The following GLRA3 variants were observed in gnomAD, a reference collection of about 807,000 sequenced individuals.
GLRA3 encodes the protein glycine receptor subunit alpha-3.
A neutral mutation model predicts 60.4 loss-of-function variants in GLRA3; 44 were observed. That is an observed-to-expected ratio of 0.73 (90% confidence interval 0.57 to 0.94). The LOEUF is 0.94. GLRA3 is among the 40% of genes least tolerant of loss of function. GLRA3 has a pLI of 0.00. For synonymous variants in GLRA3, 223 were observed against 192.9 expected, an observed-to-expected ratio of 1.16 and a Z score of -1.29; for missense variants, 508 against 564.6, an observed-to-expected ratio of 0.90 and a Z score of 1.02.
At chr4:174,665,009 A>G (rs1733602247) in intron 7 of GLRA3, among the ~76,000 whole-genome samples, 1 of 152,296 alleles carries the variant, frequency 6.6e-6, no homozygotes, top group Admixed American at 6.5e-5. Flanking sequence ...ATAATTTAAA[A>G]GAAGTGTTGT....
chr4:174,770,544 T>C (rs745395628), intron 2 of GLRA3, among the ~76,000 whole-genome samples: 4 of 152,090 alleles, frequency 2.6e-5, no homozygotes, highest in Non-Finnish European at 4.4e-5. Flanking sequence ...CGGTGAACAC[T>C]GTTAATAAAA....
intron 7 of GLRA3, among the ~76,000 whole-genome samples, chr4:174,663,828 C>A (rs1248690998): frequency 6.6e-6 from 1 of 152,176 alleles, no homozygotes; most frequent in Non-Finnish European, 1.5e-5. Flanking sequence ...CTTTGCTCCC[C>A]CTCCTGTATG....
chr4:174,699,836 TATTA>T (rs1735231375), intron 5 of GLRA3, among the ~76,000 whole-genome samples: 1 of 150,532 alleles, frequency 6.6e-6, no homozygotes, highest in South Asian at 2.1e-4. Flanking sequence ...ATTTGTTAAT[TATTA>T]ATTAATAATT....
chr4:174,655,985 T>C (rs968235749), intron 9 of GLRA3, among the ~76,000 whole-genome samples: 1 of 152,098 alleles, frequency 6.6e-6, no homozygotes, highest in Non-Finnish European at 1.5e-5. Flanking sequence ...ATAAATATAG[T>C]TTACCCCAGA....
At chr4:174,665,157 A>G (rs1040133519) in intron 7 of GLRA3, among the ~76,000 whole-genome samples, 3 of 151,960 alleles carry the variant, frequency 2.0e-5, no homozygotes, top group Admixed American at 2.0e-4. Flanking sequence ...ATTATGTAGT[A>G]GCTATATTTC....
At chr4:174,810,986 T>C (rs967604701) in intron 1 of GLRA3, among the ~76,000 whole-genome samples, 1 of 152,136 alleles carries the variant, frequency 6.6e-6, no homozygotes, top group Non-Finnish European at 1.5e-5. Flanking sequence ...TTCTCTCTCA[T>C]TCTTTTCATA....
In GLRA3 at chr4:174,778,882, T is replaced by C. The variant is rs866527689; in HGVS notation, c.199+9934A>G. On this transcript the variant is annotated intron_variant, in intron 2 of 9. Transcript: ENST00000274093. Reference sequence around the variant, plus strand: ...CTGAGATCAAACTGCAAGGCGGCAGTGAGGCTGGGGGAGGGGCGCCCGCCA... The same window carrying C: ...CTGAGATCAAACTGCAAGGCGGCAGCGAGGCTGGGGGAGGGGCGCCCGCCA... 4.3e-3 allele frequency among the ~76,000 whole-genome samples: 654 copies of C among 152,172 alleles called. 4 individuals carry two copies. The highest frequency in any genetic ancestry group is 0.017 in the Middle Eastern group (5 of 294).
intron 6 of GLRA3, among the ~76,000 whole-genome samples, chr4:174,680,452 C>T (rs1734299254): frequency 1.3e-5 from 2 of 152,130 alleles, no homozygotes; most frequent in African/African-American, 4.8e-5. Flanking sequence ...GGGCGTTTAA[C>T]ACATATTGTT....
In GLRA3 at chr4:174,781,138, C is replaced by G. The variant is rs546680107; in HGVS notation, c.199+7678G>C. On this transcript the variant is annotated intron_variant, in intron 2 of 9. Transcript: ENST00000274093. ...TCTCTCAGACCACAGTGCAATCAAA[C>G]TAGAACTCAGGATTAAGAATCTCAC... is the stretch of plus-strand genomic sequence containing the variant. Among the ~76,000 whole-genome samples, 3 of 152,180 alleles carry G rather than the reference C, an allele frequency of 2.0e-5. No individual in the cohort carries two copies. The East Asian group carries it at 5.8e-4, about 29-fold the overall frequency.
intron 5 of GLRA3, among the ~76,000 whole-genome samples, chr4:174,709,557 A>C (rs916133798): frequency 6.6e-6 from 1 of 152,070 alleles, no homozygotes; most frequent in African/African-American, 2.4e-5. Context: ...TCATACCTAA[A>C]AGCAAACATT....
chr4:174,758,916 T>C (rs1737833993), intron 3 of GLRA3, among the ~76,000 whole-genome samples: 1 of 152,120 alleles, frequency 6.6e-6, no homozygotes, highest in South Asian at 2.1e-4. Context: ...GGCAAATAAA[T>C]TGATATACTA....
intron 2 of GLRA3, among the ~76,000 whole-genome samples, chr4:174,778,909 T>G (rs1373164040): frequency 6.6e-6 from 1 of 152,170 alleles, no homozygotes; most frequent in African/African-American, 2.4e-5. Context: ...CGCCCGCCAT[T>G]GCCCAGGCTT....
intron 5 of GLRA3, among the ~76,000 whole-genome samples, chr4:174,706,751 T>C (rs1735535738): frequency 6.8e-6 from 1 of 146,158 alleles, no homozygotes; most frequent in Non-Finnish European, 1.5e-5. Flanking sequence ...GCTGATGCTA[T>C]ATGGAATCTC....
intron 3 of GLRA3, among the ~76,000 whole-genome samples, chr4:174,766,376 G>A (rs556644938): frequency 2.6e-4 from 40 of 152,006 alleles, no homozygotes; most frequent in African/African-American, 8.2e-4. Context: ...AAAGCTAAAG[G>A]GCAAAGCAGA....
intron 4 of GLRA3, among the ~76,000 whole-genome samples, chr4:174,717,932 A>G (rs888302561): frequency 1.2e-4 from 19 of 152,324 alleles, no homozygotes; most frequent in African/African-American, 4.6e-4. Context: ...TTTTGTTTGG[A>G]AGTAAATAGC....
rs1156229633 is a variant in GLRA3 at position 174,640,143 on chromosome 4, G to A, written c.*3643C>T. On this transcript the variant is annotated 3_prime_UTR_variant, in exon 10 of 10. Transcript: ENST00000274093. ...CTATTATCTATGTTGCAAAGAGTGTGGAATCACTTTTGGAGTAGAAGATAT... is the reference window on the plus strand; with the variant it reads ...CTATTATCTATGTTGCAAAGAGTGTAGAATCACTTTTGGAGTAGAAGATAT... 1.3e-5 allele frequency: 2 copies of A among 152,026 alleles called. No homozygotes were observed. Among genetic ancestry groups the A allele is most frequent in the African/African-American group, 2.4e-5 (1 of 41,416 alleles). The allele number at this position is 152,026 out of a possible 1,614,324, so 9.4% of individuals were successfully genotyped here.
At chr4:174,770,353 A>C (rs529551073) in intron 2 of GLRA3, among the ~76,000 whole-genome samples, 1 of 152,184 alleles carries the variant, frequency 6.6e-6, no homozygotes, top group South Asian at 2.1e-4. Context: ...ATAATGTGCA[A>C]GAATGCTTGG....
rs200026813 is a variant in GLRA3, at chr4:174,677,278, T to C, written c.727A>G (p.Ile243Val). The C allele has an allele frequency of 2.5e-6, 4 of 1,604,746 alleles. No homozygotes were observed. The highest frequency in any genetic ancestry group is 3.4e-6 in the Non-Finnish European group (4 of 1,172,192). The change falls in exon 7 of 10, where the codon ATA becomes GTA. Residue 243 changes from isoleucine to valine, a missense_variant. Physicochemically the swap from Ile to Val is conservative, Grantham distance 29 (BLOSUM62 3). Transcript: ENST00000274093. ...KHYNTGKFTC[I>V]EVRFHLERQM... ...CGCTCCAGATGGAATCGCACTTCTA[T>C]ACACGTAAACTTTCCTAATTGGTGG...
At chr4:174,700,251 T>C (rs1042599375) in intron 5 of GLRA3, among the ~76,000 whole-genome samples, 2 of 152,198 alleles carry the variant, frequency 1.3e-5, no homozygotes, top group South Asian at 4.1e-4. Context: ...TTTGTAGATA[T>C]TGAATATTTT....
Sources: allele counts gnomAD v4.1 joint callset (sites outside exome capture counted in the v4.1 genomes callset), GRCh38; gene constraint gnomAD v4.1.1; transcripts MANE v1.5; gene names NCBI Gene and HGNC (gene_info 2026-07-23, HGNC 2026-07-21).